The following SGCZ variants were observed in gnomAD, a reference collection of about 807,000 sequenced individuals.
SGCZ encodes sarcoglycan zeta, also known as zeta-sarcoglycan.
Under a neutral mutation model 41.3 loss-of-function variants are expected in SGCZ, and 40 were observed. The observed-to-expected ratio is 0.97, with a 90% CI of 0.75 to 1.26. SGCZ has a LOEUF of 1.26. Among genes scored for constraint, SGCZ ranks in the 50% most tolerant of loss-of-function variants. The pLI, the probability that SGCZ is intolerant of heterozygous loss-of-function variation, is 0.00. For missense variants in SGCZ, 552 were observed against 369.8 expected, an observed-to-expected ratio of 1.49 and a Z score of -4.04; for synonymous variants, 206 against 137.5, an observed-to-expected ratio of 1.50 and a Z score of -3.49.
intron 2 of SGCZ, among the ~76,000 whole-genome samples, chr8:14,535,444 C>T (rs1323686337): frequency 1.3e-5 from 2 of 151,802 alleles, no homozygotes; most frequent in South Asian, 2.1e-4. Context: ...AAAGGTCACA[C>T]CATGGATTTC....
chr8:14,704,430 A>G (rs1329745563), intron 1 of SGCZ, among the ~76,000 whole-genome samples: 1 of 152,030 alleles, frequency 6.6e-6, no homozygotes, highest in East Asian at 1.9e-4. Flanking sequence ...TTAAATTTTG[A>G]TAAGTTTTTC....
At chr8:14,380,277 C>A (rs188534028) in intron 2 of SGCZ, among the ~76,000 whole-genome samples, 49 of 152,176 alleles carry the variant, frequency 3.2e-4, no homozygotes, top group African/African-American at 1.2e-3. Flanking sequence ...TTGATGTTTT[C>A]CTTTCTTTCA....
chr8:14,455,552 T>C (rs1440333723), intron 2 of SGCZ, among the ~76,000 whole-genome samples: 1 of 152,032 alleles, frequency 6.6e-6, no homozygotes, highest in Non-Finnish European at 1.5e-5. Context: ...ATTAGGTAGA[T>C]AGATAGATCG....
intron 3 of SGCZ, among the ~76,000 whole-genome samples, chr8:14,300,612 A>T (rs1237326295): frequency 6.6e-6 from 1 of 151,996 alleles, no homozygotes; most frequent in East Asian, 1.9e-4. Flanking sequence ...AAGGTTTTAA[A>T]CTTGGGAGTG....
intron 1 of SGCZ, among the ~76,000 whole-genome samples, chr8:14,725,261 A>G (rs1246092356): frequency 2.0e-5 from 3 of 152,088 alleles, no homozygotes; most frequent in Admixed American, 1.3e-4. Flanking sequence ...TTAATTCCCT[A>G]CTTTGTCTAC....
At chr8:14,910,392 C>A (rs572621932) in intron 1 of SGCZ, among the ~76,000 whole-genome samples, 84 of 152,072 alleles carry the variant, frequency 5.5e-4, no homozygotes, top group Admixed American at 5.4e-3. Context: ...TGGCTTAACT[C>A]AGTGTTTGTA....
intron 1 of SGCZ, among the ~76,000 whole-genome samples, chr8:14,787,010 C>T (rs999047039): frequency 6.6e-6 from 1 of 152,040 alleles, no homozygotes; most frequent in Non-Finnish European, 1.5e-5. Context: ...AAACTCTTTC[C>T]TACAAGCTCA....
At chr8:14,928,667 T>C (rs991406787) in intron 1 of SGCZ, among the ~76,000 whole-genome samples, 9 of 152,212 alleles carry the variant, frequency 5.9e-5, no homozygotes, top group Non-Finnish European at 1.2e-4. Context: ...AATTATTCCA[T>C]TGTATCTTTG....
At chr8:14,109,467 G>C (rs1368171688) in intron 5 of SGCZ, among the ~76,000 whole-genome samples, 1 of 151,860 alleles carries the variant, frequency 6.6e-6, no homozygotes, top group Non-Finnish European at 1.5e-5. Context: ...TTGTTTTCTG[G>C]TCTAATCTTC....
intron 1 of SGCZ, among the ~76,000 whole-genome samples, chr8:15,113,866 C>T (rs1393613570): frequency 6.6e-6 from 1 of 152,166 alleles, no homozygotes; most frequent in Non-Finnish European, 1.5e-5. Context: ...CTTATAAGTT[C>T]CCCCATAGGC....
At chr8:14,726,324 C>CTATATATATATATATATA (rs1362751704) in intron 1 of SGCZ, among the ~76,000 whole-genome samples, 1 of 121,176 alleles carries the variant, frequency 8.3e-6, no homozygotes, top group South Asian at 2.6e-4. Flanking sequence ...ATATATATAT[C>CTATATATATATATATATA]TATATATATA....
intron 1 of SGCZ, among the ~76,000 whole-genome samples, chr8:15,073,387 C>G (rs1002723070): frequency 3.3e-5 from 5 of 152,062 alleles, no homozygotes; most frequent in Non-Finnish European, 7.4e-5. Flanking sequence ...GAGAATGAAT[C>G]ACATCACTCA....
At chr8:14,955,808 T>G in intron 1 of SGCZ, among the ~76,000 whole-genome samples, 1 of 152,184 alleles carries the variant, frequency 6.6e-6, no homozygotes. Context: ...AACTTTTTTA[T>G]CAGTTTTTGT....
chr8:14,277,550 T>C (rs1384841542), intron 3 of SGCZ, among the ~76,000 whole-genome samples: 2 of 152,148 alleles, frequency 1.3e-5, no homozygotes, highest in South Asian at 2.1e-4. Flanking sequence ...AATTAATACA[T>C]GGATAATTGC....
At chr8:14,347,133 T>C (rs1802914834) in intron 2 of SGCZ, among the ~76,000 whole-genome samples, 1 of 152,088 alleles carries the variant, frequency 6.6e-6, no homozygotes, top group South Asian at 2.1e-4. Context: ...GACATTATGT[T>C]ATGTTAAAGA....
At chr8:14,277,135 C>A (rs1800264739) in intron 3 of SGCZ, among the ~76,000 whole-genome samples, 1 of 152,174 alleles carries the variant, frequency 6.6e-6, no homozygotes, top group Admixed American at 6.6e-5. Context: ...TTTCTGGTTT[C>A]CTCTCACATA....
At chr8:14,233,761 A>G (rs970508419) in intron 4 of SGCZ, among the ~76,000 whole-genome samples, 1 of 151,508 alleles carries the variant, frequency 6.6e-6, no homozygotes, top group Admixed American at 6.6e-5. Context: ...AAAGTCAAAC[A>G]CTTTTTTCAC....
chr8:15,161,398 C>T (rs950143161), intron 1 of SGCZ, among the ~76,000 whole-genome samples: 2 of 152,138 alleles, frequency 1.3e-5, no homozygotes, highest in African/African-American at 4.8e-5. Context: ...ACTTACCCCA[C>T]TCATTATACC....
chr8:14,607,337 G>T (rs1186299884), intron 1 of SGCZ, among the ~76,000 whole-genome samples: 2 of 151,996 alleles, frequency 1.3e-5, no homozygotes, highest in Non-Finnish European at 2.9e-5. Flanking sequence ...TTTTATCACT[G>T]AATTACGATC....
Sources: gnomAD v4.1 joint callset for allele counts (sites outside exome capture counted in the v4.1 genomes callset) on GRCh38, gnomAD v4.1.1 for gene constraint, MANE v1.5 for transcripts, NCBI Gene and HGNC (gene_info 2026-07-23, HGNC 2026-07-21) for gene names.